IPO13: variants seen among roughly 807,000 people sequenced by gnomAD.
IPO13 encodes the protein importin-13.
A neutral mutation model predicts 115.5 loss-of-function variants in IPO13; 28 were observed. That is an observed-to-expected ratio of 0.24 (90% confidence interval 0.18 to 0.33). The LOEUF (loss-of-function observed/expected upper bound fraction) is 0.33, where lower values mean the gene tolerates loss of function less well. Ranked by LOEUF, IPO13 falls within the 10% of genes least tolerant of loss-of-function variation. The probability of loss-of-function intolerance (pLI) is 1.00; values close to 1 mark genes in which losing one functional copy is unlikely to be tolerated. For missense variants in IPO13, 785 were observed against 1,204.6 expected (o/e 0.65, Z 5.16); for synonymous variants, 414 against 478.9 (o/e 0.86, Z 1.77).
intron 12 of IPO13, 40 bp downstream of exon 12, chr1:43,960,369 C>T (rs757464319): frequency 6.4e-7 from 1 of 1,555,004 alleles, no homozygotes; most frequent in East Asian, 2.2e-5. Context: ...ATAGTGACTG[C>T]TCAGAGGTGT....
At chr1:43,954,393 G>A (rs1056845020) in intron 2 of IPO13, among the ~76,000 whole-genome samples, 1 of 152,322 alleles carries the variant, frequency 6.6e-6, no homozygotes, top group Middle Eastern at 3.4e-3. Context: ...TCCCTAGGCT[G>A]GTTGCCTCTT....
rs780002081 is a variant in IPO13, at chr1:43,956,329, C to T, written c.831C>T (p.Asn277=). The change falls in exon 3 of 20, where the codon AAC becomes AAT. Residue 277 remains asparagine (N), a synonymous_variant. Transcript: ENST00000372343. This position sits in a 1 kb window ranked among gnomAD's most constrained non-coding sequence, Gnocchi z 4.7. The part of the protein sequence containing the change: ...ISQPDAQRYV[N]TLLKLIPLVL... ...CACCTCATGCCTCTAGGTACGTGAA[C>T]ACACTCCTGAAACTCATCCCGCTGG... The T allele has an allele frequency of 6.2e-7, 1 of 1,614,148 alleles. No individual in the cohort carries two copies. Among genetic ancestry groups the T allele is most frequent in the South Asian group, 1.1e-5 (1 of 91,072 alleles).
rs769237573 is a variant in IPO13, at chr1:43,967,511, G to C, written c.2795+15G>C. The C allele has an allele frequency of 6.2e-7, 1 of 1,614,126 alleles. No individual in the cohort carries two copies. Among genetic ancestry groups the C allele is most frequent in the South Asian group, 1.1e-5 (1 of 91,080 alleles). ...CAGATCCTTCGGTGAGCAGAGCTGG[G>C]GTGGGCCTGGGGTCAGGCAGAGAGG... On this transcript the variant is annotated intron_variant, in intron 19 of 19. Coordinates refer to ENST00000372343, the MANE Select transcript of IPO13 (RefSeq NM_014652.4). The surrounding 1 kb of genome is among the most constrained non-coding windows in gnomAD (Gnocchi z 6.1).
chr1:43,949,863 C>T lies in IPO13; in HGVS notation c.531C>T (p.Phe177=), dbSNP rs760207890. 6 of 1,612,858 alleles carry T rather than the reference C, an allele frequency of 3.7e-6. No individual in the cohort carries two copies. Among genetic ancestry groups the T allele is most frequent in the Middle Eastern group, 1.6e-4 (1 of 6,062 alleles). Residue 177 remains phenylalanine (F), a synonymous_variant, in exon 2 of 20, where the codon TTC becomes TTT. Transcript: ENST00000372343. ...LELLTVLPEE[F]QTSRLPQYRK... is the part of the protein sequence containing the mutation. ...TGCTGACAGTGCTGCCTGAGGAGTT[C>T]CAGACCAGTCGCCTACCCCAGTACC... is the stretch of plus-strand genomic sequence containing the variant.
At chr1:43,960,762 C>G in intron 12 of IPO13, 114 bp from the exon 13 acceptor site, 1 of 1,367,812 alleles carries the variant, frequency 7.3e-7, no homozygotes, top group Non-Finnish European at 1.0e-6. Context: ...GTTTGCAGGG[C>G]CAGGCAAGGC....
In IPO13 at chr1:43,967,027, G is replaced by A; in HGVS notation, c.2613+8G>A. The A allele has an allele frequency of 1.2e-6, 2 of 1,612,886 alleles. No homozygotes were observed. The highest frequency in any genetic ancestry group is 1.7e-4 in the Middle Eastern group (1 of 6,058). On this transcript the variant is annotated splice_region_variant and intron_variant, in intron 18 of 19. Coordinates refer to ENST00000372343, the MANE Select transcript of IPO13 (RefSeq NM_014652.4). The surrounding 1 kb of genome is among the most constrained non-coding windows in gnomAD (Gnocchi z 6.1). ...CTCATAGCAGTGCTGGAGGTGAGAC[G>A]GAGCAAAGGGGGGTTTGATGGGGGT...
intron 14 of IPO13, 38 bp from the exon 15 acceptor site, chr1:43,964,231 A>G (rs2085307730): frequency 1.4e-6 from 2 of 1,464,010 alleles, no homozygotes; most frequent in Non-Finnish European, 1.9e-6. Context: ...TGCTGTTTGT[A>G]TAATTTTTTC....
intron 14 of IPO13, 93 bp downstream of exon 14, chr1:43,961,355 C>T (rs1557634448): frequency 2.0e-6 from 2 of 1,005,872 alleles, no homozygotes; most frequent in East Asian, 4.8e-5. Flanking sequence ...CTGTTCTTCT[C>T]TGTCCCCTGA....
In IPO13 at chr1:43,958,424, T is replaced by C. The variant is rs758178717; in HGVS notation, c.1750-37T>C. 3 of 1,612,918 alleles carry C rather than the reference T, an allele frequency of 1.9e-6. No individual in the cohort carries two copies. The Admixed American group carries it at 5.0e-5, about 27-fold the overall frequency. ...TTTTCCTTCCTACCCCACAACTAGATGTGGCCAGGACTGACCATCCATGTT... is the reference window on the plus strand; with the variant it reads ...TTTTCCTTCCTACCCCACAACTAGACGTGGCCAGGACTGACCATCCATGTT... On this transcript the variant is annotated intron_variant, in intron 9 of 19. Transcript: ENST00000372343. This position sits in a 1 kb window ranked among gnomAD's most constrained non-coding sequence, Gnocchi z 6.3.
rs537631159 is a variant in IPO13 at position 43,963,280 on chromosome 1, G to C, written c.2345-989G>C. Reference sequence around the variant, plus strand: ...TGGAGAAGCCTGGGTAGGAGCTCCAGGTGCATGCCATATTCTTGCCTCAGG... The same window carrying C: ...TGGAGAAGCCTGGGTAGGAGCTCCACGTGCATGCCATATTCTTGCCTCAGG... On this transcript the variant is annotated intron_variant, in intron 14 of 19. Transcript: ENST00000372343. 2.6e-5 allele frequency among the ~76,000 whole-genome samples: 4 copies of C among 152,294 alleles called. No individual in the cohort carries two copies. In the East Asian group the frequency reaches 7.7e-4, roughly 29 times the overall value.
At chr1:43,951,838 A>T (rs1429029642) in intron 2 of IPO13, among the ~76,000 whole-genome samples, 4 of 152,144 alleles carry the variant, frequency 2.6e-5, no homozygotes, top group Non-Finnish European at 4.4e-5. Flanking sequence ...TCTAAGTTTG[A>T]ATCCCAGATG....
In IPO13 at chr1:43,956,779, G is replaced by A. The variant is rs2085252501; in HGVS notation, c.1105-31G>A. On this transcript the variant is annotated intron_variant, in intron 4 of 19. Transcript: ENST00000372343. This position sits in a 1 kb window ranked among gnomAD's most constrained non-coding sequence, Gnocchi z 4.7. The stretch of plus-strand genomic sequence containing the variant: ...CATGGGCTTCTATGACTGCTGGTGA[G>A]GTGGCTAATTCTCTTCCCTGGCTCT... 3 of 1,613,558 alleles carry A rather than the reference G, an allele frequency of 1.9e-6. No individual in the cohort carries two copies. The highest frequency in any genetic ancestry group is 2.2e-5 in the East Asian group (1 of 44,902).
chr1:43,961,606 C>T (rs763434735), intron 14 of IPO13, among the ~76,000 whole-genome samples: 11 of 152,094 alleles, frequency 7.2e-5, no homozygotes, highest in East Asian at 1.9e-4. Context: ...GGAAAGAGCA[C>T]GGGCTTTTGA....
At position 43,967,211 on chromosome 1, in the gene IPO13, G is replaced by T. The variant is rs2085331709; in HGVS notation, c.2614-104G>T. The T allele has an allele frequency of 7.8e-7, 1 of 1,281,862 alleles. No individual in the cohort carries two copies. Among genetic ancestry groups the T allele is most frequent in the Non-Finnish European group, 1.1e-6 (1 of 896,684 alleles). The allele number at this position is 1,281,862 out of a possible 1,614,324, so 79.4% of individuals were successfully genotyped here. ...CTCAAAAAGCAGCGCTCACTGTGAT[G>T]TGCAGTTTGGCTTAGGAACTGTCCA... On this transcript the variant is annotated intron_variant, in intron 18 of 19. Coordinates refer to ENST00000372343, the MANE Select transcript of IPO13 (RefSeq NM_014652.4). The surrounding 1 kb of genome is among the most constrained non-coding windows in gnomAD (Gnocchi z 6.1).
chr1:43,961,652 C>T (rs1260463007), intron 14 of IPO13, among the ~76,000 whole-genome samples: 1 of 152,152 alleles, frequency 6.6e-6, no homozygotes, highest in Non-Finnish European at 1.5e-5. Flanking sequence ...TCATCACCAC[C>T]AACTAGTTGT....
Position 43,967,786 on chromosome 1 carries a change from C to G in IPO13, c.*104C>G. On this transcript the variant is annotated 3_prime_UTR_variant, in exon 20 of 20. Coordinates refer to ENST00000372343, the MANE Select transcript of IPO13 (RefSeq NM_014652.4). This position sits in a 1 kb window ranked among gnomAD's most constrained non-coding sequence, Gnocchi z 6.1. ...CTCTGCCTCCTTTCTGCTGTCACCA[C>G]CACCTAACTGAAAGCCTGGGTCCAG... 2 of 1,087,652 alleles carry G rather than the reference C, an allele frequency of 1.8e-6. No homozygotes were observed. The highest frequency in any genetic ancestry group is 2.7e-6 in the Non-Finnish European group (2 of 727,606). The allele number at this position is 1,087,652 out of a possible 1,614,324, so 67.4% of individuals were successfully genotyped here. A position where few individuals can be genotyped will look rare whatever the true frequency, so the allele number is the denominator to read the frequency against.
At position 43,958,390 on chromosome 1, in the gene IPO13, A is replaced by G; in HGVS notation, c.1750-71A>G. 6.2e-7 allele frequency: 1 copy of G among 1,611,234 alleles called. No homozygotes were observed. Among genetic ancestry groups the G allele is most frequent in the Admixed American group, 1.7e-5 (1 of 59,830 alleles). ...CTTATTCTCTGTTTTTCTTCTCCCA[A>G]GAGGCTCATTTTCCTTCCTACCCCA... On this transcript the variant is annotated intron_variant, in intron 9 of 19. Coordinates refer to ENST00000372343, the MANE Select transcript of IPO13 (RefSeq NM_014652.4). The surrounding 1 kb of genome is among the most constrained non-coding windows in gnomAD (Gnocchi z 6.3).
rs1431932319 is a variant in IPO13 at position 43,961,227 on chromosome 1, T to G, written c.2309T>G (p.Leu770Arg). The G allele has an allele frequency of 6.2e-7, 1 of 1,613,928 alleles. No individual in the cohort carries two copies. Among genetic ancestry groups the G allele is most frequent in the Non-Finnish European group, 8.5e-7 (1 of 1,179,970 alleles). Residue 770 changes from leucine (L) to arginine (R), a missense_variant, in exon 14 of 20, where the codon CTC (leucine) becomes CGC (arginine). Physicochemically the swap from Leu to Arg is moderately radical, Grantham distance 102. Transcript: ENST00000372343. ...CCCCCAATTGAGGCCCTCTTCCTGCTCGTCACCTCCGTCACACTCACTCTC... is the reference window on the plus strand; with the variant it reads ...CCCCCAATTGAGGCCCTCTTCCTGCGCGTCACCTCCGTCACACTCACTCTC... Reference protein sequence around the residue: ...HFPPIEALFLLVTSVTLTLFQ... With the variant: ...HFPPIEALFLRVTSVTLTLFQ...
intron 13 of IPO13, 37 bp downstream of exon 13, chr1:43,961,050 G>A (rs1269152047): frequency 3.7e-6 from 6 of 1,612,596 alleles, no homozygotes; most frequent in Non-Finnish European, 5.1e-6. Flanking sequence ...CCTGACCCTG[G>A]GTGGGGGTGG....
Sources: gnomAD v4.1 joint callset for allele counts (sites outside exome capture counted in the v4.1 genomes callset) on GRCh38, gnomAD v4.1.1 for gene constraint, Gnocchi (gnomAD v3.1) non-coding constraint, MANE v1.5 for transcripts, NCBI Gene and HGNC (gene_info 2026-07-23, HGNC 2026-07-21) for gene names.